Variants in ANKRD33B observed in about 807,000 individuals in gnomAD.
The protein encoded by ANKRD33B is ankyrin repeat domain-containing protein 33B.
In ANKRD33B, 6 loss-of-function variants were observed where a neutral mutation model predicts 21.5. The ratio of observed to expected loss-of-function variants is 0.28; its 90% CI spans 0.15 to 0.55. The LOEUF is 0.55. Ranked by LOEUF, ANKRD33B falls within the 20% of genes least tolerant of loss-of-function variation. The pLI, the probability that ANKRD33B is intolerant of heterozygous loss-of-function variation, is 0.94. For missense variants in ANKRD33B, 698 were observed against 747.2 expected, an observed-to-expected ratio of 0.93 and a Z score of 0.77; for synonymous variants, 347 against 342.4, an observed-to-expected ratio of 1.01 and a Z score of -0.15.
At position 10,651,761 on chromosome 5, in the gene ANKRD33B, C is replaced by T. The variant is rs1360788804; in HGVS notation, c.*1648C>T. On this transcript the variant is annotated 3_prime_UTR_variant, in exon 4 of 4. Coordinates refer to ENST00000296657, the MANE Select transcript of ANKRD33B (RefSeq NM_001164440.2). The stretch of plus-strand genomic sequence containing the variant: ...GCTGGTGCAGGCTTCTCCATACTCC[C>T]TTCCACTTGGCACCAGCAGGCATCG... 6.6e-6 allele frequency: 1 copy of T among 152,440 alleles called. No individual in the cohort carries two copies. Among genetic ancestry groups the T allele is most frequent in the East Asian group, 1.9e-4 (1 of 5,334 alleles). 9.4% of individuals were successfully genotyped at this position (152,440 alleles called of 1,614,324 possible).
chr5:10,570,342 G>A (rs1735152673), intron 1 of ANKRD33B, among the ~76,000 whole-genome samples: 1 of 152,178 alleles, frequency 6.6e-6, no homozygotes, highest in Admixed American at 6.5e-5. Context: ...TCATTCAGCT[G>A]GTGGTCAGCT....
chr5:10,643,385 T>C (rs568435949), intron 3 of ANKRD33B, among the ~76,000 whole-genome samples: 3 of 151,768 alleles, frequency 2.0e-5, no homozygotes, highest in Admixed American at 6.6e-5. Context: ...GTCTCCCAGG[T>C]TGGGGGAAAA....
In ANKRD33B at chr5:10,596,878, T is replaced by C. The variant is rs140619688; in HGVS notation, c.367-21455T>C. Among the ~76,000 whole-genome samples the C allele has an allele frequency of 6.6e-3, 1,005 of 152,064 alleles. 8 individuals are homozygous for C. Among genetic ancestry groups the C allele is most frequent in the African/African-American group, 0.023 (947 of 41,448 alleles). On this transcript the variant is annotated intron_variant, in intron 1 of 3. Coordinates refer to ENST00000296657, the MANE Select transcript of ANKRD33B (RefSeq NM_001164440.2). ...CAGAAACCCCACAAGCCAGAAGAGA[T>C]TGGGGGACAATATTCAACATTCTTA...
intron 2 of ANKRD33B, among the ~76,000 whole-genome samples, chr5:10,624,405 C>T (rs1040578837): frequency 2.0e-5 from 3 of 152,190 alleles, no homozygotes; most frequent in Admixed American, 2.0e-4. Context: ...GCTGGAATTA[C>T]AGGCGTGAGC....
At position 10,599,382 on chromosome 5, in the gene ANKRD33B, A is replaced by G. The variant is rs140321525; in HGVS notation, c.367-18951A>G. Among the ~76,000 whole-genome samples, 740 of 152,300 alleles carry G rather than the reference A, an allele frequency of 4.9e-3. 7 individuals are homozygous for G. Among genetic ancestry groups the G allele is most frequent in the African/African-American group, 0.017 (717 of 41,540 alleles). ...TAACATAAAATTGTTCATTTTAACCATTGTAACCAGTGTACAGTTCAGTGG... is the reference window on the plus strand; with the variant it reads ...TAACATAAAATTGTTCATTTTAACCGTTGTAACCAGTGTACAGTTCAGTGG... On this transcript the variant is annotated intron_variant, in intron 1 of 3. Transcript: ENST00000296657.
intron 2 of ANKRD33B, among the ~76,000 whole-genome samples, chr5:10,622,794 C>CTTTTTTTTTTGTT (rs1436392852): frequency 2.5e-5 from 2 of 78,602 alleles, no homozygotes; most frequent in African/African-American, 7.3e-5. Context: ...TTTGTTTTTG[C>CTTTTTTTTTTGTT]TTTATTTTAT....
rs1187995787 is a variant in ANKRD33B at position 10,639,888 on chromosome 5, A to G, written c.637+1720A>G. 4.3e-4 allele frequency among the ~76,000 whole-genome samples: 10 copies of G among 23,478 alleles called. 2 individuals are homozygous for G. Among genetic ancestry groups the G allele is most frequent in the Non-Finnish European group, 7.2e-4 (7 of 9,730 alleles). The allele number at this position is 23,478 out of a possible 152,430, so 15.4% of individuals were successfully genotyped here. A position where few individuals can be genotyped will look rare whatever the true frequency, so the allele number is the denominator to read the frequency against. ...GCGGCGATGTTAGGCGGTGACGTGG[A>G]GTTGTGCGGCGATGTTAGCGGGTGA... On this transcript the variant is annotated intron_variant, in intron 3 of 3. Coordinates refer to ENST00000296657, the MANE Select transcript of ANKRD33B (RefSeq NM_001164440.2).
chr5:10,568,321 TTTC>T (rs1271193953), intron 1 of ANKRD33B, among the ~76,000 whole-genome samples: 1 of 152,284 alleles, frequency 6.6e-6, no homozygotes, highest in Non-Finnish European at 1.5e-5. Flanking sequence ...CATAATTCTT[TTTC>T]TTAATTCTTC....
intron 1 of ANKRD33B, among the ~76,000 whole-genome samples, chr5:10,607,850 C>T (rs553114222): frequency 3.3e-5 from 5 of 152,272 alleles, no homozygotes; most frequent in Middle Eastern, 3.4e-3. Context: ...TTTAAAGCTC[C>T]TTGTTACTGA....
At chr5:10,603,175 T>C (rs891263578) in intron 1 of ANKRD33B, among the ~76,000 whole-genome samples, 4 of 152,090 alleles carry the variant, frequency 2.6e-5, no homozygotes, top group Admixed American at 2.0e-4. Flanking sequence ...GCTTTCTGTC[T>C]TCTGTACAGT....
chr5:10,594,633 A>C (rs1162393279), intron 1 of ANKRD33B, among the ~76,000 whole-genome samples: 1 of 152,210 alleles, frequency 6.6e-6, no homozygotes, highest in Non-Finnish European at 1.5e-5. Flanking sequence ...TCACGACCTC[A>C]AAACTGAAGC....
chr5:10,648,440 G>A (rs1737239388), intron 3 of ANKRD33B, among the ~76,000 whole-genome samples: 1 of 152,244 alleles, frequency 6.6e-6, no homozygotes, highest in African/African-American at 2.4e-5. Context: ...TTGATGGAAA[G>A]CTATAGGATC....
chr5:10,622,794 C>CTTTTTTTTTTGTTTTTT (rs1436392852), intron 2 of ANKRD33B, among the ~76,000 whole-genome samples: 1 of 78,598 alleles, frequency 1.3e-5, no homozygotes. Context: ...TTTGTTTTTG[C>CTTTTTTTTTTGTTTTTT]TTTATTTTAT....
chr5:10,622,794 C>CTTTTTTTTTTGTTTTT (rs1436392852), intron 2 of ANKRD33B, among the ~76,000 whole-genome samples: 1 of 78,598 alleles, frequency 1.3e-5, no homozygotes, highest in African/African-American at 7.3e-5. Flanking sequence ...TTTGTTTTTG[C>CTTTTTTTTTTGTTTTT]TTTATTTTAT....
In ANKRD33B at chr5:10,619,354, TG is replaced by T. The variant is rs1736361812; in HGVS notation, c.496+894del. 2.0e-6 allele frequency: 2 copies of T among 985,310 alleles called. No homozygotes were observed. Among genetic ancestry groups the T allele is most frequent in the African/African-American group, 3.5e-5 (2 of 57,248 alleles). 61.0% of individuals were successfully genotyped at this position (985,310 alleles called of 1,614,324 possible). ...AGAATCCCACTCAGGGCCTGGAAAC[TG>T]GAGGAAGTGCCCCCGACCACACTGT... On this transcript the variant is annotated intron_variant, in intron 2 of 3. Transcript: ENST00000296657. The surrounding 1 kb of genome is among the most constrained non-coding windows in gnomAD (Gnocchi z 4.5).
intron 1 of ANKRD33B, among the ~76,000 whole-genome samples, chr5:10,614,955 C>T (rs1213873399): frequency 1.3e-5 from 2 of 151,978 alleles, no homozygotes; most frequent in African/African-American, 4.8e-5. Flanking sequence ...TGGCTGTCAG[C>T]AGGTGCCTGC....
At chr5:10,637,968 C>T in intron 2 of ANKRD33B, 60 bp from the exon 3 acceptor site, 1 of 1,512,128 alleles carries the variant, frequency 6.6e-7, no homozygotes, top group Non-Finnish European at 8.8e-7. Context: ...GAAGGCCTGG[C>T]TGGAACCAGC....
intron 2 of ANKRD33B, among the ~76,000 whole-genome samples, chr5:10,622,061 G>A (rs911444184): frequency 6.6e-6 from 1 of 152,234 alleles, no homozygotes; most frequent in Non-Finnish European, 1.5e-5. Context: ...TATTGTTTAA[G>A]CCACCTAGTC....
intron 1 of ANKRD33B, among the ~76,000 whole-genome samples, chr5:10,591,101 C>T (rs1735675272): frequency 6.6e-6 from 1 of 151,162 alleles, no homozygotes; most frequent in African/African-American, 2.4e-5. Flanking sequence ...TCAGATGTAT[C>T]TATTTCTTTA....
Sources: gnomAD v4.1 joint callset for allele counts (sites outside exome capture counted in the v4.1 genomes callset) on GRCh38, gnomAD v4.1.1 for gene constraint, Gnocchi (gnomAD v3.1) non-coding constraint, MANE v1.5 for transcripts, NCBI Gene and HGNC (gene_info 2026-07-23, HGNC 2026-07-21) for gene names.